CNTNAP5: variants seen among roughly 807,000 people sequenced by gnomAD.
The protein encoded by CNTNAP5 is contactin-associated protein-like 5.
CNTNAP5 carries 72 observed loss-of-function variants against 150.2 expected under a neutral mutation model. That is an observed-to-expected ratio of 0.48 (90% CI 0.40 to 0.58). The LOEUF (loss-of-function observed/expected upper bound fraction) is 0.58, where lower values mean the gene tolerates loss of function less well. Ranked by LOEUF, CNTNAP5 falls within the 20% of genes least tolerant of loss-of-function variation. The pLI, the probability that CNTNAP5 is intolerant of heterozygous loss-of-function variation, is 0.00. For missense variants in CNTNAP5, 1,636 were observed against 1,626.2 expected (o/e 1.01, Z -0.10); for synonymous variants, 672 against 619.8 (o/e 1.08, Z -1.25).
intron 1 of CNTNAP5, among the ~76,000 whole-genome samples, chr2:124,033,199 G>T (rs564986444): frequency 6.4e-4 from 98 of 152,356 alleles, no homozygotes; most frequent in African/African-American, 2.2e-3. Flanking sequence ...TGAATTGATA[G>T]AGTTTTAAAG....
intron 1 of CNTNAP5, among the ~76,000 whole-genome samples, chr2:124,190,458 T>C (rs1685432729): frequency 6.6e-6 from 1 of 152,198 alleles, no homozygotes; most frequent in Non-Finnish European, 1.5e-5. Flanking sequence ...TTTACCACAC[T>C]GATCCTGTAG....
intron 6 of CNTNAP5, among the ~76,000 whole-genome samples, chr2:124,451,381 A>C (rs7582267): frequency 0.018 from 2,686 of 152,048 alleles, 99 homozygotes; most frequent in African/African-American, 0.061. Context: ...TAGGAATGGC[A>C]TAAAATCCAG....
chr2:124,785,316 T>C (rs565773185), intron 17 of CNTNAP5, among the ~76,000 whole-genome samples: 8 of 152,262 alleles, frequency 5.3e-5, no homozygotes, highest in Admixed American at 4.6e-4. Context: ...CCCAGTGCAG[T>C]TGAGAATTGC....
At chr2:124,478,561 A>G (rs182274363) in intron 7 of CNTNAP5, among the ~76,000 whole-genome samples, 2 of 152,176 alleles carry the variant, frequency 1.3e-5, no homozygotes, top group African/African-American at 4.8e-5. Flanking sequence ...TACCTAGTCT[A>G]TCTCCTTTAG....
intron 3 of CNTNAP5, among the ~76,000 whole-genome samples, chr2:124,376,560 C>T (rs1460589333): frequency 6.6e-6 from 1 of 151,782 alleles, no homozygotes; most frequent in Non-Finnish European, 1.5e-5. Context: ...ACTATATGTA[C>T]CGTGTGTGTG....
intron 13 of CNTNAP5, among the ~76,000 whole-genome samples, chr2:124,708,727 T>C (rs2105100896): frequency 6.6e-6 from 1 of 152,250 alleles, no homozygotes; most frequent in East Asian, 1.9e-4. Flanking sequence ...TCTGACTATG[T>C]TTTTGGTGGC....
rs185484845 is a variant in CNTNAP5, at chr2:124,765,971, G to A, written c.2533+1824G>A. On this transcript the variant is annotated intron_variant, in intron 16 of 23. Transcript: ENST00000682447. ...AACTTTGTCTCAGAAAAAAAAAATA[G>A]GTTAAAAAAAATAAAAATAAACAGT... Among the ~76,000 whole-genome samples the A allele has an allele frequency of 3.3e-5, 5 of 150,802 alleles. No individual in the cohort carries two copies. In the East Asian group the frequency reaches 7.8e-4, roughly 23 times the overall value.
Position 124,404,319 on chromosome 2 carries a change from G to A in CNTNAP5, c.382-13124G>A, listed in dbSNP as rs142684324. ...TTAATAACATCTGCCTGGTGGCACCGGGATACTTGTAATCTCACTGCCAGT... is the reference window on the plus strand; with the variant it reads ...TTAATAACATCTGCCTGGTGGCACCAGGATACTTGTAATCTCACTGCCAGT... On this transcript the variant is annotated intron_variant, in intron 3 of 23. Transcript: ENST00000682447. 1.4e-4 allele frequency among the ~76,000 whole-genome samples: 21 copies of A among 152,264 alleles called. No individual in the cohort carries two copies. The East Asian group carries it at 2.5e-3, about 18-fold the overall frequency.
At chr2:124,209,213 G>T (rs1685942338) in intron 1 of CNTNAP5, among the ~76,000 whole-genome samples, 1 of 152,110 alleles carries the variant, frequency 6.6e-6, no homozygotes, top group South Asian at 2.1e-4. Flanking sequence ...TCCCCAACTT[G>T]TTCGGAGTTT....
At position 124,914,358 on chromosome 2, in the gene CNTNAP5, C is replaced by A; in HGVS notation, c.*70C>A. The A allele has an allele frequency of 1.8e-6, 2 of 1,139,240 alleles. No individual in the cohort carries two copies. Among genetic ancestry groups the A allele is most frequent in the Non-Finnish European group, 2.5e-6 (2 of 784,756 alleles). 70.6% of individuals were successfully genotyped at this position (1,139,240 alleles called of 1,614,324 possible). On this transcript the variant is annotated 3_prime_UTR_variant, in exon 24 of 24. Coordinates refer to ENST00000682447, the MANE Select transcript of CNTNAP5 (RefSeq NM_001367498.1). ...ATCTCCTCCCCCTCTTCTCTCCTGT[C>A]TTTTGATTTGGTCATTCTCTTTATT...
At chr2:124,362,975 T>C (rs1690259158) in intron 3 of CNTNAP5, among the ~76,000 whole-genome samples, 1 of 152,156 alleles carries the variant, frequency 6.6e-6, no homozygotes, top group South Asian at 2.1e-4. Flanking sequence ...TCAGTCTCCT[T>C]TGGCAACTCA....
intron 1 of CNTNAP5, among the ~76,000 whole-genome samples, chr2:124,206,278 TAATTTATGTG>T (rs1685860167): frequency 6.6e-6 from 1 of 152,214 alleles, no homozygotes; most frequent in Non-Finnish European, 1.5e-5. Context: ...CCCTATGAGT[TAATTTATGTG>T]AATTGCCTGT....
chr2:124,212,884 G>C (rs1219621933), intron 1 of CNTNAP5, among the ~76,000 whole-genome samples: 2 of 127,756 alleles, frequency 1.6e-5, no homozygotes, highest in East Asian at 4.3e-4. Flanking sequence ...TGTCACCCAG[G>C]CTAGCGTGCA....
intron 18 of CNTNAP5, among the ~76,000 whole-genome samples, 152 bp downstream of exon 18, chr2:124,790,293 A>G (rs145475605): frequency 9.6e-4 from 146 of 152,328 alleles, no homozygotes; most frequent in African/African-American, 3.3e-3. Context: ...GTAATTGCAT[A>G]TACTTATTGG....
At chr2:124,298,442 A>G (rs1436283918) in intron 3 of CNTNAP5, among the ~76,000 whole-genome samples, 2 of 152,194 alleles carry the variant, frequency 1.3e-5, no homozygotes, top group African/African-American at 2.4e-5. Flanking sequence ...CAGAGCTTAT[A>G]TACCTTCTAA....
At chr2:124,266,532 T>A (rs898026753) in intron 3 of CNTNAP5, among the ~76,000 whole-genome samples, 17 of 152,192 alleles carry the variant, frequency 1.1e-4, no homozygotes, top group Admixed American at 6.5e-5. Flanking sequence ...TTTTCTTTAG[T>A]GCATTTGTCA....
chr2:124,656,101 C>T (rs1464466166), intron 13 of CNTNAP5, among the ~76,000 whole-genome samples: 2 of 150,754 alleles, frequency 1.3e-5, no homozygotes, highest in Non-Finnish European at 2.9e-5. Context: ...CACTAGCCCA[C>T]ATTCCAGGGG....
intron 21 of CNTNAP5, among the ~76,000 whole-genome samples, chr2:124,893,183 C>T (rs1573693264): frequency 1.3e-5 from 2 of 152,106 alleles, no homozygotes; most frequent in African/African-American, 4.8e-5. Context: ...CAAATCTCAG[C>T]TCTGCCACTT....
intron 1 of CNTNAP5, among the ~76,000 whole-genome samples, chr2:124,042,583 T>C (rs527399349): frequency 6.6e-6 from 1 of 152,228 alleles, no homozygotes; most frequent in African/African-American, 2.4e-5. Flanking sequence ...AAAGGTAAAT[T>C]TTATACCAGT....
Sources: allele counts gnomAD v4.1 joint callset (sites outside exome capture counted in the v4.1 genomes callset), GRCh38; gene constraint gnomAD v4.1.1; transcripts MANE v1.5; gene names NCBI Gene and HGNC (gene_info 2026-07-23, HGNC 2026-07-21).